The following PARVB variants were observed in gnomAD, a reference collection of about 807,000 sequenced individuals.
The protein encoded by PARVB is parvin beta, also known as beta-parvin.
A neutral mutation model predicts 47.0 loss-of-function variants in PARVB; 46 were observed. The ratio of observed to expected loss-of-function variants is 0.98; its 90% CI spans 0.77 to 1.25. PARVB has a LOEUF of 1.25. Ranked by LOEUF, PARVB falls within the 50% of genes most tolerant of loss-of-function variation. The pLI, the probability that PARVB is intolerant of heterozygous loss-of-function variation, is 0.00. For missense variants in PARVB, 473 were observed against 471.6 expected (o/e 1.00, Z -0.03); for synonymous variants, 196 against 196.3 (o/e 1.00, Z 0.01).
At chr22:44,104,026 C>T (rs1181708614) in intron 3 of PARVB, 1 of 152,234 alleles carries the variant, frequency 6.6e-6, no homozygotes, top group Non-Finnish European at 1.5e-5. Context: ...TAGCCACAAG[C>T]AACTAACACC....
At chr22:44,056,302 G>C (rs1051522769) in intron 1 of PARVB, among the ~76,000 whole-genome samples, 1 of 152,220 alleles carries the variant, frequency 6.6e-6, no homozygotes, top group African/African-American at 2.4e-5. Context: ...CTGTGCCTGA[G>C]TTGCATGTGG....
At chr22:44,151,247 T>C (rs2053801073) in intron 9 of PARVB, 1 of 478,822 alleles carries the variant, frequency 2.1e-6, no homozygotes. Flanking sequence ...TTGGCATATG[T>C]GTGCATGGGT....
chr22:44,077,808 C>G (rs1034794518), intron 1 of PARVB, among the ~76,000 whole-genome samples: 5 of 152,114 alleles, frequency 3.3e-5, no homozygotes, highest in African/African-American at 1.2e-4. Context: ...AGCGATTCTC[C>G]TGCCTCAGCC....
intron 1 of PARVB, among the ~76,000 whole-genome samples, chr22:44,038,516 C>T (rs2050961256): frequency 2.0e-5 from 3 of 152,058 alleles, no homozygotes; most frequent in Admixed American, 2.0e-4. Context: ...CGTGGTGGCT[C>T]ACACCTGTAA....
intron 1 of PARVB, among the ~76,000 whole-genome samples, chr22:44,048,178 ATCT>A (rs2051147341): frequency 6.6e-6 from 1 of 152,168 alleles, no homozygotes; most frequent in African/African-American, 2.4e-5. Flanking sequence ...CGAGACTGAA[ATCT>A]TCTTGATACT....
At chr22:44,137,868 C>G (rs374744909) in intron 7 of PARVB, among the ~76,000 whole-genome samples, 18 of 152,302 alleles carry the variant, frequency 1.2e-4, no homozygotes, top group South Asian at 6.2e-4. Context: ...AAGTGAGTCA[C>G]AGGTCATCCT....
In PARVB at chr22:44,063,816, G is replaced by C. The variant is rs184145801; in HGVS notation, c.113-30112G>C. Among the ~76,000 whole-genome samples, 74 of 152,268 alleles carry C rather than the reference G, an allele frequency of 4.9e-4. 1 individual carries two copies. The highest frequency in any genetic ancestry group is 3.5e-3 in the Admixed American group (54 of 15,298). On this transcript the variant is annotated intron_variant, in intron 1 of 12. Transcript: ENST00000338758. ...ATGAGTTGGGAGATGACTTCCTCCA[G>C]GGCATGTGAGAAGCTCTCAATGACC...
intron 4 of PARVB, among the ~76,000 whole-genome samples, chr22:44,126,155 G>A (rs1238757554): frequency 6.6e-6 from 1 of 152,150 alleles, no homozygotes; most frequent in Non-Finnish European, 1.5e-5. Flanking sequence ...CTGAGCTGAT[G>A]TTTAGCACCG....
intron 1 of PARVB, among the ~76,000 whole-genome samples, chr22:44,039,344 A>G (rs1323209055): frequency 6.6e-6 from 1 of 152,154 alleles, no homozygotes; most frequent in Non-Finnish European, 1.5e-5. Flanking sequence ...TGAGCTCAGG[A>G]GTTCAAGACC....
chr22:44,093,090 C>CACCCTTACTGTGGCTTT (rs2052211197), intron 1 of PARVB, among the ~76,000 whole-genome samples: 1 of 152,188 alleles, frequency 6.6e-6, no homozygotes, highest in African/African-American at 2.4e-5. Flanking sequence ...GGGGCTGGAA[C>CACCCTTACTGTGGCTTT]CTCGAGTCTT....
At chr22:44,141,641 T>C (rs2053553735) in intron 8 of PARVB, 1 of 152,218 alleles carries the variant, frequency 6.6e-6, no homozygotes, top group Admixed American at 6.5e-5. Flanking sequence ...TTCAATCCAA[T>C]CAAGCTGACA....
intron 1 of PARVB, among the ~76,000 whole-genome samples, chr22:44,059,061 T>C (rs1213065884): frequency 5.3e-5 from 5 of 95,144 alleles, no homozygotes; most frequent in Non-Finnish European, 8.8e-5. Context: ...TTTTTTTTTT[T>C]CTGAGAGGGA....
intron 10 of PARVB, among the ~76,000 whole-genome samples, chr22:44,154,044 C>T (rs2053865695): frequency 6.6e-6 from 1 of 152,196 alleles, no homozygotes. Flanking sequence ...GCCCCTGGTA[C>T]TGTCATGGGG....
At chr22:44,133,101 T>C (rs531691901) in intron 6 of PARVB, 92 bp downstream of exon 6, 3 of 749,192 alleles carry the variant, frequency 4.0e-6, no homozygotes, top group East Asian at 2.9e-5. Context: ...CCTCCTTTTT[T>C]CCCCCCAGGA....
intron 1 of PARVB, among the ~76,000 whole-genome samples, chr22:44,046,846 G>C (rs773969609): frequency 6.6e-6 from 1 of 152,190 alleles, no homozygotes; most frequent in Non-Finnish European, 1.5e-5. Flanking sequence ...CTGCTGACTT[G>C]AGCCTCTGCT....
intron 3 of PARVB, chr22:44,110,030 G>A (rs866576657): frequency 9.9e-4 from 146 of 147,810 alleles, no homozygotes; most frequent in Middle Eastern, 3.6e-3. Flanking sequence ...GGAGAATGGC[G>A]TGAACCCGGG....
Position 44,169,091 on chromosome 22 carries a change from G to T in PARVB, c.*413G>T, listed in dbSNP as rs1015536170. ...AGTTAGCGATCACAGGCCTTCAGAA[G>T]TACAACATCAGCTCAGCAGGAACGC... On this transcript the variant is annotated 3_prime_UTR_variant, in exon 13 of 13. Coordinates refer to ENST00000338758, the MANE Select transcript of PARVB (RefSeq NM_013327.5). The T allele has an allele frequency of 1.2e-5, 2 of 168,184 alleles. No individual in the cohort carries two copies. The highest frequency in any genetic ancestry group is 2.6e-5 in the Non-Finnish European group (2 of 77,760). 10.4% of individuals were successfully genotyped at this position (168,184 alleles called of 1,614,324 possible). A position where few individuals can be genotyped will look rare whatever the true frequency, so the allele number is the denominator to read the frequency against.
Position 44,169,477 on chromosome 22 carries a change from A to C in PARVB, c.*799A>C, listed in dbSNP as rs774753421. ...AGCTTGGGTCACAGCTTTCCCCTTC[A>C]GAGGCCCTTTTTGGGAATGAATGCA... On this transcript the variant is annotated 3_prime_UTR_variant, in exon 13 of 13. Transcript: ENST00000338758. 6.7e-6 allele frequency: 1 copy of C among 150,162 alleles called. No homozygotes were observed. The highest frequency in any genetic ancestry group is 1.5e-5 in the Non-Finnish European group (1 of 68,038). 9.3% of individuals were successfully genotyped at this position (150,162 alleles called of 1,614,324 possible). A position where few individuals can be genotyped will look rare whatever the true frequency, so the allele number is the denominator to read the frequency against.
In PARVB at chr22:44,126,965, G is replaced by T. The variant is rs530393352; in HGVS notation, c.377-4522G>T. 8.9e-4 allele frequency among the ~76,000 whole-genome samples: 136 copies of T among 152,134 alleles called. 1 individual carries two copies. The highest frequency in any genetic ancestry group is 3.1e-3 in the African/African-American group (127 of 41,492). Reference sequence around the variant, plus strand: ...GCCTTCTATAGAGCAGAATTACAGGGGCATCTTTAAAGCTGCATCTTCCCC... The same window carrying T: ...GCCTTCTATAGAGCAGAATTACAGGTGCATCTTTAAAGCTGCATCTTCCCC... On this transcript the variant is annotated intron_variant, in intron 4 of 12. Transcript: ENST00000338758.
Sources: allele counts gnomAD v4.1 joint callset (sites outside exome capture counted in the v4.1 genomes callset), GRCh38; gene constraint gnomAD v4.1.1; transcripts MANE v1.5; gene names NCBI Gene and HGNC (gene_info 2026-07-23, HGNC 2026-07-21).